ANKDD1A: variants seen among roughly 807,000 people sequenced by gnomAD.
ANKDD1A encodes ankyrin repeat and death domain-containing protein 1A.
A neutral mutation model predicts 63.5 loss-of-function variants in ANKDD1A; 59 were observed. The ratio of observed to expected loss-of-function variants is 0.93; its 90% CI spans 0.75 to 1.15. ANKDD1A has a LOEUF of 1.15. ANKDD1A is among the 50% of genes most tolerant of loss of function. ANKDD1A has a pLI of 0.00. For missense variants in ANKDD1A, 632 were observed against 656.4 expected, an observed-to-expected ratio of 0.96 and a Z score of 0.41; for synonymous variants, 266 against 263.9, an observed-to-expected ratio of 1.01 and a Z score of -0.08.
intron 12 of ANKDD1A, among the ~76,000 whole-genome samples, chr15:64,945,411 T>C (rs1427559947): frequency 6.6e-6 from 1 of 151,914 alleles, no homozygotes; most frequent in Non-Finnish European, 1.5e-5. Context: ...TGAGTACCTG[T>C]ACAGCCATGC....
chr15:64,925,287 T>A (rs1176108751), intron 4 of ANKDD1A, among the ~76,000 whole-genome samples: 1 of 151,888 alleles, frequency 6.6e-6, no homozygotes, highest in African/African-American at 2.4e-5. Flanking sequence ...TCACTGAGAT[T>A]TGACCACTGT....
At chr15:64,955,564 G>A (rs1196838115) in intron 14 of ANKDD1A, among the ~76,000 whole-genome samples, 1 of 152,168 alleles carries the variant, frequency 6.6e-6, no homozygotes, top group Non-Finnish European at 1.5e-5. Flanking sequence ...AAGCTTCACG[G>A]TTTCCCAGAA....
intron 12 of ANKDD1A, among the ~76,000 whole-genome samples, chr15:64,945,607 C>CATATATATATCTATATAT (rs2085216203): frequency 1.4e-5 from 1 of 73,852 alleles, no homozygotes; most frequent in African/African-American, 6.2e-5. Flanking sequence ...GCATTTTCAA[C>CATATATATATCTATATAT]ATATATATAT....
At position 64,934,944 on chromosome 15, in the gene ANKDD1A, T is replaced by C. The variant is rs137859875; in HGVS notation, c.867+710T>C. On this transcript the variant is annotated intron_variant, in intron 9 of 14. Coordinates refer to ENST00000319580, the MANE Select transcript of ANKDD1A (RefSeq NM_182703.6). ...AATCTTTTGGTTAAAACACAGACTT[T>C]GGGAGTGCAGTGGTTCACACCTGTA... 1.8e-4 allele frequency among the ~76,000 whole-genome samples: 27 copies of C among 152,212 alleles called. No homozygotes were observed. In the East Asian group the frequency reaches 5.0e-3, roughly 28 times the overall value.
At chr15:64,953,471 TCCTCTTC>T (rs1424582322) in intron 14 of ANKDD1A, among the ~76,000 whole-genome samples, 2 of 105,080 alleles carry the variant, frequency 1.9e-5, no homozygotes, top group African/African-American at 3.0e-5. Flanking sequence ...TTCTTCTTCT[TCCTCTTC>T]CTTCTCCTTC....
At chr15:64,917,625 A>T (rs2084979221) in intron 3 of ANKDD1A, 111 bp downstream of exon 3, 1 of 1,453,132 alleles carries the variant, frequency 6.9e-7, no homozygotes, top group Admixed American at 2.2e-5. Context: ...ATTCAGGTGC[A>T]GAGTGGTGGG....
At chr15:64,944,851 C>A in intron 12 of ANKDD1A, 104 bp downstream of exon 12, 2 of 1,110,116 alleles carry the variant, frequency 1.8e-6, no homozygotes, top group Non-Finnish European at 2.6e-6. Flanking sequence ...CTGGGTCCCT[C>A]AGTCTCCAAG....
chr15:64,952,842 TC>T (rs1173997583), intron 14 of ANKDD1A, among the ~76,000 whole-genome samples: 2 of 50,356 alleles, frequency 4.0e-5, no homozygotes, highest in Admixed American at 2.7e-4. Flanking sequence ...TCCTTTCTTC[TC>T]CTTGTCTCTT....
intron 9 of ANKDD1A, among the ~76,000 whole-genome samples, chr15:64,934,702 A>G (rs1243873349): frequency 6.7e-6 from 1 of 148,918 alleles, no homozygotes; most frequent in East Asian, 2.0e-4. Flanking sequence ...TGGTAGAAAA[A>G]TACTGGGGTT....
chr15:64,919,174 A>C (rs2084991149), intron 3 of ANKDD1A, among the ~76,000 whole-genome samples: 1 of 152,036 alleles, frequency 6.6e-6, no homozygotes, highest in African/African-American at 2.4e-5. Flanking sequence ...CTGGTATAGG[A>C]CTGTGATGTA....
chr15:64,956,702 C>T (rs938328491), intron 14 of ANKDD1A, among the ~76,000 whole-genome samples: 2 of 152,098 alleles, frequency 1.3e-5, no homozygotes, highest in Admixed American at 1.3e-4. Context: ...ATTACAAGCA[C>T]ACACCATCAT....
chr15:64,954,503 CCTT>C (rs1218955761), intron 14 of ANKDD1A, among the ~76,000 whole-genome samples: 14 of 133,762 alleles, frequency 1.0e-4, no homozygotes, highest in South Asian at 2.6e-4. Flanking sequence ...CCTTCTTCTT[CCTT>C]CTTCTCCTCT....
intron 1 of ANKDD1A, among the ~76,000 whole-genome samples, chr15:64,915,524 G>A (rs1445938364): frequency 6.6e-6 from 1 of 152,178 alleles, no homozygotes; most frequent in Non-Finnish European, 1.5e-5. Flanking sequence ...CACACATTTA[G>A]GCTGCTGAAA....
intron 14 of ANKDD1A, among the ~76,000 whole-genome samples, chr15:64,952,739 TC>T (rs2085319011): frequency 1.8e-5 from 2 of 113,616 alleles, no homozygotes; most frequent in Non-Finnish European, 3.9e-5. Context: ...TCCTTCTTCC[TC>T]CTTCTTTCCT....
chr15:64,954,076 TTTTCTTCTTCTTTCTCC>T (rs1658886301), intron 14 of ANKDD1A, among the ~76,000 whole-genome samples: 1 of 14,470 alleles, frequency 6.9e-5, no homozygotes, highest in Non-Finnish European at 7.8e-4. Context: ...CTTCTTCCTC[TTTTCTTCTTCTTTCTCC>T]TCCCTCTTTT....
chr15:64,937,967 A>T (rs138166275), intron 9 of ANKDD1A, among the ~76,000 whole-genome samples: 1 of 152,190 alleles, frequency 6.6e-6, no homozygotes, highest in East Asian at 1.9e-4. Context: ...CACTCCATTA[A>T]AAAACGATGA....
At chr15:64,954,386 TC>T (rs1595861286) in intron 14 of ANKDD1A, among the ~76,000 whole-genome samples, 42 of 143,752 alleles carry the variant, frequency 2.9e-4, no homozygotes, top group Non-Finnish European at 4.0e-4. Context: ...TTTCTTTTCT[TC>T]TTCTTTCTTC....
chr15:64,952,346 TA>T (rs2085305307), intron 14 of ANKDD1A, among the ~76,000 whole-genome samples: 1 of 143,908 alleles, frequency 6.9e-6, no homozygotes, highest in Non-Finnish European at 1.5e-5. Flanking sequence ...TCCTTCTTCT[TA>T]GTTCTTCCTC....
intron 14 of ANKDD1A, chr15:64,950,637 A>G: frequency 1.0e-6 from 1 of 984,816 alleles, no homozygotes; most frequent in East Asian, 1.1e-4. Flanking sequence ...TCCATTAGAT[A>G]TGAGGCAACA....
Sources: allele counts gnomAD v4.1 joint callset (sites outside exome capture counted in the v4.1 genomes callset), GRCh38; gene constraint gnomAD v4.1.1; transcripts MANE v1.5; gene names NCBI Gene and HGNC (gene_info 2026-07-23, HGNC 2026-07-21).